NT5DC1: variants seen among roughly 807,000 people sequenced by gnomAD.
NT5DC1 encodes the protein 5'-nucleotidase domain-containing protein 1.
NT5DC1 carries 42 observed loss-of-function variants against 59.4 expected under a neutral mutation model. The observed-to-expected ratio is 0.71, with a 90% confidence interval of 0.55 to 0.92. The LOEUF (loss-of-function observed/expected upper bound fraction) is 0.92, where lower values mean the gene tolerates loss of function less well. NT5DC1 is among the 40% of genes least tolerant of loss of function. NT5DC1 has a pLI of 0.00. For missense variants in NT5DC1, 501 were observed against 537.1 expected (o/e 0.93, Z 0.66); for synonymous variants, 172 against 188.1 (o/e 0.91, Z 0.70).
chr6:116,205,159 T>G (rs1781426387), intron 6 of NT5DC1, among the ~76,000 whole-genome samples: 1 of 151,962 alleles, frequency 6.6e-6, no homozygotes, highest in African/African-American at 2.4e-5. Context: ...TCTTTTCTGC[T>G]TATCATTACA....
chr6:116,235,284 G>A (rs1417888363), intron 8 of NT5DC1, among the ~76,000 whole-genome samples: 1 of 152,092 alleles, frequency 6.6e-6, no homozygotes, highest in Admixed American at 6.5e-5. Flanking sequence ...AAACAGACAT[G>A]AGAAGTGATC....
In NT5DC1 at chr6:116,248,912, A is replaced by C. The variant is rs1410712337; in HGVS notation, c.*4888A>C. 1 of 152,236 alleles carries C rather than the reference A, an allele frequency of 6.6e-6. No individual in the cohort carries two copies. The highest frequency in any genetic ancestry group is 1.5e-5 in the Non-Finnish European group (1 of 68,042). 9.4% of individuals were successfully genotyped at this position (152,236 alleles called of 1,614,324 possible). Reference sequence around the variant, plus strand: ...ATTTTATTAGGCTAAACAGAACAGAAACCATGCTAATCTGTAACAAATAAG... The same window carrying C: ...ATTTTATTAGGCTAAACAGAACAGACACCATGCTAATCTGTAACAAATAAG... On this transcript the variant is annotated 3_prime_UTR_variant, in exon 12 of 12. Coordinates refer to ENST00000319550, the MANE Select transcript of NT5DC1 (RefSeq NM_152729.3).
chr6:116,108,516 A>G lies in NT5DC1; in HGVS notation c.257+81A>G, dbSNP rs886707019. The G allele has an allele frequency of 2.8e-5, 22 of 789,688 alleles. 2 individuals are homozygous for G. The Admixed American group carries it at 3.2e-4, about 12-fold the overall frequency. The allele number at this position is 789,688 out of a possible 1,614,324, so 48.9% of individuals were successfully genotyped here. On this transcript the variant is annotated intron_variant, in intron 3 of 11. Coordinates refer to ENST00000319550, the MANE Select transcript of NT5DC1 (RefSeq NM_152729.3). ...CTGAGTGGCATATGACCCTTACAGT[A>G]TGGGTTAAATATGATTATTTTAATT...
chr6:116,232,649 C>A (rs1782039931), intron 8 of NT5DC1, among the ~76,000 whole-genome samples: 1 of 152,086 alleles, frequency 6.6e-6, no homozygotes, highest in Non-Finnish European at 1.5e-5. Flanking sequence ...TACAAAACTT[C>A]TCACAGATTC....
At chr6:116,173,483 C>T (rs1440192699) in intron 6 of NT5DC1, among the ~76,000 whole-genome samples, 1 of 151,972 alleles carries the variant, frequency 6.6e-6, no homozygotes, top group African/African-American at 2.4e-5. Flanking sequence ...CCTGTCAGTC[C>T]CTTTAGAGCA....
chr6:116,112,206 G>C (rs1778892057), intron 4 of NT5DC1, among the ~76,000 whole-genome samples: 1 of 152,138 alleles, frequency 6.6e-6, no homozygotes, highest in South Asian at 2.1e-4. Flanking sequence ...GTACCTACTT[G>C]GGTTAGTTAG....
chr6:116,163,004 A>G (rs1463026789), intron 6 of NT5DC1, among the ~76,000 whole-genome samples: 3 of 151,224 alleles, frequency 2.0e-5, no homozygotes, highest in Non-Finnish European at 3.0e-5. Context: ...GCAGGCACTT[A>G]TAGTCCCAGC....
intron 6 of NT5DC1, among the ~76,000 whole-genome samples, chr6:116,217,927 A>G (rs531365139): frequency 1.3e-5 from 2 of 152,276 alleles, no homozygotes; most frequent in African/African-American, 4.8e-5. Context: ...TATGTCTCCT[A>G]TTCCTTTAAT....
In NT5DC1 at chr6:116,245,961, C is replaced by T. The variant is rs1466318869; in HGVS notation, c.*1937C>T. Reference sequence around the variant, plus strand: ...AAAAGTTTAGTTTATTTCTAAATTTCCTTCCTTTCTAGCAGTCAGTATTTC... The same window carrying T: ...AAAAGTTTAGTTTATTTCTAAATTTTCTTCCTTTCTAGCAGTCAGTATTTC... On this transcript the variant is annotated 3_prime_UTR_variant, in exon 12 of 12. Coordinates refer to ENST00000319550, the MANE Select transcript of NT5DC1 (RefSeq NM_152729.3). 1.3e-5 allele frequency: 2 copies of T among 152,048 alleles called. No homozygotes were observed. Among genetic ancestry groups the T allele is most frequent in the Admixed American group, 6.6e-5 (1 of 15,266 alleles). The allele number at this position is 152,048 out of a possible 1,614,324, so 9.4% of individuals were successfully genotyped here.
At chr6:116,160,407 A>G (rs993318667) in intron 6 of NT5DC1, among the ~76,000 whole-genome samples, 2 of 152,058 alleles carry the variant, frequency 1.3e-5, no homozygotes, top group Non-Finnish European at 2.9e-5. Flanking sequence ...GGTCACTTGT[A>G]TGTCTTATTT....
At chr6:116,228,980 T>C (rs963587539) in intron 8 of NT5DC1, among the ~76,000 whole-genome samples, 2 of 152,200 alleles carry the variant, frequency 1.3e-5, no homozygotes, top group Non-Finnish European at 2.9e-5. Flanking sequence ...GCTTCACATT[T>C]CTCTGACCTT....
At chr6:116,153,034 AAAG>A (rs1780088705) in intron 6 of NT5DC1, among the ~76,000 whole-genome samples, 2 of 152,172 alleles carry the variant, frequency 1.3e-5, no homozygotes, top group African/African-American at 4.8e-5. Context: ...TGTTTTTTGA[AAAG>A]AAGTAAAATC....
intron 6 of NT5DC1, among the ~76,000 whole-genome samples, chr6:116,204,876 T>C (rs1488767858): frequency 6.6e-6 from 1 of 152,006 alleles, no homozygotes; most frequent in Non-Finnish European, 1.5e-5. Flanking sequence ...ATGGCTAGAT[T>C]TAAGTACGTG....
At chr6:116,113,816 AG>A (rs1778920586) in intron 4 of NT5DC1, among the ~76,000 whole-genome samples, 1 of 152,218 alleles carries the variant, frequency 6.6e-6, no homozygotes, top group Non-Finnish European at 1.5e-5. Context: ...GGAGGAGAAA[AG>A]CAAGGGTATG....
chr6:116,205,110 C>A (rs950450399), intron 6 of NT5DC1, among the ~76,000 whole-genome samples: 30 of 151,948 alleles, frequency 2.0e-4, no homozygotes, highest in Admixed American at 2.0e-3. Flanking sequence ...TTCTTAGTTT[C>A]TGTTTCTGGT....
At chr6:116,148,419 G>A (rs1287556646) in intron 6 of NT5DC1, among the ~76,000 whole-genome samples, 1 of 152,050 alleles carries the variant, frequency 6.6e-6, no homozygotes, top group Admixed American at 6.5e-5. Context: ...CTACTTTTTG[G>A]AACATTTGAA....
intron 1 of NT5DC1, among the ~76,000 whole-genome samples, chr6:116,102,841 T>A (rs2114894847): frequency 6.6e-6 from 1 of 152,322 alleles, no homozygotes; most frequent in Non-Finnish European, 1.5e-5. Context: ...GAAGAGTTAG[T>A]CTTGGTCCCT....
chr6:116,122,335 T>C (rs1483223792), intron 6 of NT5DC1, among the ~76,000 whole-genome samples: 1 of 152,200 alleles, frequency 6.6e-6, no homozygotes, highest in Non-Finnish European at 1.5e-5. Flanking sequence ...AGAAAATGTT[T>C]AAGAACTATA....
intron 6 of NT5DC1, among the ~76,000 whole-genome samples, chr6:116,213,921 T>C (rs1021361964): frequency 3.9e-5 from 6 of 152,108 alleles, no homozygotes; most frequent in Admixed American, 3.3e-4. Flanking sequence ...TTTTTGTTTT[T>C]TAAGAGATGG....
Sources: allele counts gnomAD v4.1 joint callset (sites outside exome capture counted in the v4.1 genomes callset), GRCh38; gene constraint gnomAD v4.1.1; transcripts MANE v1.5; gene names NCBI Gene and HGNC (gene_info 2026-07-23, HGNC 2026-07-21).